SH2B1: variants seen among roughly 807,000 people sequenced by gnomAD.
SH2B1 encodes the protein SH2B adapter protein 1.
Under a neutral mutation model 62.6 loss-of-function variants are expected in SH2B1, and 15 were observed. The observed-to-expected ratio is 0.24, with a 90% CI of 0.16 to 0.37. The LOEUF (loss-of-function observed/expected upper bound fraction) is 0.37, where lower values mean the gene tolerates loss of function less well. Among genes scored for constraint, SH2B1 ranks in the 10% least tolerant of loss-of-function variants. The pLI, the probability that SH2B1 is intolerant of heterozygous loss-of-function variation, is 1.00. For missense variants in SH2B1, 925 were observed against 1,015.6 expected (o/e 0.91, Z 1.21); for synonymous variants, 443 against 438.0 (o/e 1.01, Z -0.14).
At chr16:28,868,459 T>G (rs1962850343) in intron 2 of SH2B1, among the ~76,000 whole-genome samples, 1 of 151,838 alleles carries the variant, frequency 6.6e-6, no homozygotes, top group Non-Finnish European at 1.5e-5. Flanking sequence ...TTATTTTATT[T>G]TTATTTTTTA....
chr16:28,869,505 C>A, intron 4 of SH2B1, 122 bp downstream of exon 4: 1 of 831,902 alleles, frequency 1.2e-6, no homozygotes, highest in Non-Finnish European at 1.8e-6. Context: ...AGATGCCCTA[C>A]CCCAACCCCA....
chr16:28,855,407 C>T (rs958331484), intron 1 of SH2B1, among the ~76,000 whole-genome samples: 1 of 147,010 alleles, frequency 6.8e-6, no homozygotes, highest in South Asian at 2.2e-4. Flanking sequence ...TTAGTAAAGA[C>T]GAGGGGTTTC....
chr16:28,859,107 A>G (rs1426390726), upstream of SH2B1, among the ~76,000 whole-genome samples: 1 of 151,738 alleles, frequency 6.6e-6, no homozygotes, highest in Non-Finnish European at 1.5e-5. Context: ...CAACCTGGCT[A>G]ATTTTTTTGT....
chr16:28,860,537 C>T (rs756006491), upstream of SH2B1, among the ~76,000 whole-genome samples: 2 of 152,048 alleles, frequency 1.3e-5, no homozygotes, highest in Non-Finnish European at 2.9e-5. Context: ...GCCACCGTGC[C>T]CAGCCTCCTC....
Position 28,865,716 on chromosome 16 carries a change from A to C in SH2B1, c.-379A>C, listed in dbSNP as rs1277456648. The C allele has an allele frequency of 9.8e-7, 1 of 1,023,330 alleles. No individual in the cohort carries two copies. Among genetic ancestry groups the C allele is most frequent in the South Asian group, 4.5e-5 (1 of 22,270 alleles). 63.4% of individuals were successfully genotyped at this position (1,023,330 alleles called of 1,614,324 possible). On this transcript the variant is annotated 5_prime_UTR_variant, in exon 1 of 8. Coordinates refer to ENST00000684370, the MANE Select transcript of SH2B1 (RefSeq NM_001387430.1). Reference sequence around the variant, plus strand: ...CGATGTAGAGGGGGGGTGATCTGGAAAAGTTCCCTTTTTTAGGGGGAAGGT... The same window carrying C: ...CGATGTAGAGGGGGGGTGATCTGGACAAGTTCCCTTTTTTAGGGGGAAGGT...
rs1455325997 is a variant in SH2B1, at chr16:28,873,811, C to T, written c.2262C>T (p.Ser754=). The T allele has an allele frequency of 4.2e-6, 6 of 1,441,756 alleles. No individual in the cohort carries two copies. Among genetic ancestry groups the T allele is most frequent in the Non-Finnish European group, 5.5e-6 (6 of 1,099,482 alleles). 89.3% of individuals were successfully genotyped at this position (1,441,756 alleles called of 1,614,324 possible). A position where few individuals can be genotyped will look rare whatever the true frequency, so the allele number is the denominator to read the frequency against. Residue 754 remains serine, a synonymous_variant, in exon 8 of 8, where the codon TCC becomes TCT. Transcript: ENST00000684370. The surrounding 1 kb of genome is among the most constrained non-coding windows in gnomAD (Gnocchi z 4.2). ...GHPRAINNQY[S]FV ...CCAGGGCCATTAACAACCAGTACTC[C>T]TTCGTGTGAGCCAACCCCACCCGCT...
chr16:28,852,480 TTA>T lies in SH2B1; in HGVS notation c.-301+5660_-301+5661del, dbSNP rs1163498814. On this transcript the variant is annotated intron_variant, in intron 1 of 10. Coordinates refer to the SH2B1 transcript ENST00000322610. ...TATATTTATATATATACATATATAT[TTA>T]TATATACATACATATATTTATATAT... Among the ~76,000 whole-genome samples the T allele has an allele frequency of 2.4e-4, 16 of 67,018 alleles. 5 individuals carry two copies. In the East Asian group the frequency reaches 2.6e-3, roughly 11 times the overall value. 44.0% of individuals were successfully genotyped at this position (67,018 alleles called of 152,430 possible). A position where few individuals can be genotyped will look rare whatever the true frequency, so the allele number is the denominator to read the frequency against.
chr16:28,869,246 C>T lies in SH2B1; in HGVS notation c.1172C>T (p.Pro391Leu). Residue 391 changes from proline to leucine, a missense_variant, in exon 4 of 8, where the codon CCT (proline) becomes CTT (leucine). By Grantham distance (98) the Pro-to-Leu change is moderately conservative (BLOSUM62 -3). Around this residue, in one of 3 missense-constraint regions of SH2B1, gnomAD observed 683 missense variants for 704.0 expected, o/e 0.97. Transcript: ENST00000684370. ...ACCAGTCCCCGCCCCATGACCCTCC[C>T]TCTGGCCCCTGGGACCTCATTCCTT... Reference protein sequence around the residue: ...PATSPRPMTLPLAPGTSFLTR... With the variant: ...PATSPRPMTLLLAPGTSFLTR... 2.5e-6 allele frequency: 4 copies of T among 1,614,178 alleles called. No homozygotes were observed. Among genetic ancestry groups the T allele is most frequent in the South Asian group, 1.1e-5 (1 of 91,088 alleles).
At chr16:28,854,075 G>C (rs1255496755) in intron 1 of SH2B1, among the ~76,000 whole-genome samples, 14 of 148,234 alleles carry the variant, frequency 9.4e-5, no homozygotes, top group Non-Finnish European at 1.5e-5. Flanking sequence ...AAGATAGCTT[G>C]AGCCCAGGAG....
intron 2 of SH2B1, 114 bp from the exon 3 acceptor site, chr16:28,868,892 G>T: frequency 1.2e-6 from 1 of 833,592 alleles, no homozygotes. Flanking sequence ...GGCCTCCAGA[G>T]AGAATTCGAA....
upstream of SH2B1, among the ~76,000 whole-genome samples, chr16:28,860,884 T>C (rs1962428224): frequency 6.6e-6 from 1 of 151,496 alleles, no homozygotes; most frequent in African/African-American, 2.4e-5. Flanking sequence ...TGGCATGATC[T>C]TGGCTCACTG....
rs11866984 is a variant in SH2B1 at position 28,847,596 on chromosome 16, C to T, written c.-301+769C>T. Among the ~76,000 whole-genome samples, 715 of 151,956 alleles carry T rather than the reference C, an allele frequency of 4.7e-3. 4 individuals carry two copies. The highest frequency in any genetic ancestry group is 0.016 in the African/African-American group (659 of 41,458). On this transcript the variant is annotated intron_variant, in intron 1 of 10. Coordinates refer to the SH2B1 transcript ENST00000322610. ...AGTTTGGGAGGCTGAGGTGGGAGGA[C>T]GGTTTGAAGCCAGGAGTTCAAGACC...
At chr16:28,858,537 A>G (rs534549477) in intron 1 of SH2B1, among the ~76,000 whole-genome samples, 2 of 152,200 alleles carry the variant, frequency 1.3e-5, no homozygotes, top group African/African-American at 4.8e-5. Flanking sequence ...CAGGTGTTAC[A>G]TAAGGAACTT....
rs148726648 is a variant in SH2B1, at chr16:28,856,067, G to A, written c.-300-5551G>A. ...CGAGGTGGATGAATCACGAGGTCAGGAGTTAAAGACCAGCCTGGCCAACCC... is the reference window on the plus strand; with the variant it reads ...CGAGGTGGATGAATCACGAGGTCAGAAGTTAAAGACCAGCCTGGCCAACCC... On this transcript the variant is annotated intron_variant, in intron 1 of 10. Transcript: ENST00000322610. Among the ~76,000 whole-genome samples the A allele has an allele frequency of 2.3e-4, 34 of 147,596 alleles. No homozygotes were observed. The East Asian group carries it at 7.1e-3, about 31-fold the overall frequency.
rs1962115463 is a variant in SH2B1, at chr16:28,852,196, T to TTATATATTTACACATATATATTTACA, written c.-301+5381_-301+5382insCATATATATTTACATATATATTTACA. Among the ~76,000 whole-genome samples, 39 of 82,906 alleles carry TTATATATTTACACATATATATTTACA rather than the reference T, an allele frequency of 4.7e-4. 8 individuals are homozygous for TTATATATTTACACATATATATTTACA. Among genetic ancestry groups the TTATATATTTACACATATATATTTACA allele is most frequent in the Admixed American group, 3.5e-3 (24 of 6,796 alleles). The allele number at this position is 82,906 out of a possible 152,430, so 54.4% of individuals were successfully genotyped here. ...TATCCAAAAATATATATATTTTTAT[T>TTATATATTTACACATATATATTTACA]TATATATTTACATATATATATTTAC... On this transcript the variant is annotated intron_variant, in intron 1 of 10. Transcript: ENST00000322610.
At chr16:28,849,563 A>G (rs1032565158) in intron 1 of SH2B1, among the ~76,000 whole-genome samples, 1 of 152,150 alleles carries the variant, frequency 6.6e-6, no homozygotes, top group African/African-American at 2.4e-5. Context: ...ATTAGCTTGA[A>G]AAAAAACTGG....
intron 1 of SH2B1, among the ~76,000 whole-genome samples, chr16:28,856,106 A>G (rs560332080): frequency 1.0e-5 from 1 of 95,574 alleles, no homozygotes; most frequent in South Asian, 7.1e-4. Context: ...CTGTACTAAA[A>G]ATACAAAAAA....
Position 28,866,641 on chromosome 16 carries a change from G to A in SH2B1, c.547G>A (p.Gly183Arg), listed in dbSNP as rs768230842. The part of the protein sequence containing the change: ...RGTVDPPSSA[G>R]PLETSSGPPV... ...GACCGTTGACCCTCCCTCCTCCGCTGGGCCCCTGGAGACCTCGTCAGGCCC... is the reference window on the plus strand; with the variant it reads ...GACCGTTGACCCTCCCTCCTCCGCTAGGCCCCTGGAGACCTCGTCAGGCCC... Residue 183 changes from glycine (G) to arginine (R), a missense_variant, in exon 1 of 8, where the codon GGG (glycine) becomes AGG (arginine). By Grantham distance (125) the Gly-to-Arg change is moderately radical (BLOSUM62 -2). Transcript: ENST00000684370. This position sits in a 1 kb window ranked among gnomAD's most constrained non-coding sequence, Gnocchi z 6.3. The A allele has an allele frequency of 6.2e-7, 1 of 1,613,528 alleles. No individual in the cohort carries two copies. Among genetic ancestry groups the A allele is most frequent in the Non-Finnish European group, 8.5e-7 (1 of 1,179,712 alleles).
At chr16:28,849,880 G>A (rs1335082794) in intron 1 of SH2B1, among the ~76,000 whole-genome samples, 2 of 152,100 alleles carry the variant, frequency 1.3e-5, no homozygotes, top group Non-Finnish European at 2.9e-5. Flanking sequence ...CCGATATCAC[G>A]CCATTGTACT....
Sources: allele counts gnomAD v4.1 joint callset (sites outside exome capture counted in the v4.1 genomes callset), GRCh38; gene constraint gnomAD v4.1.1; regional missense constraint gnomAD v4.1.1; non-coding constraint Gnocchi (gnomAD v3.1); transcripts MANE v1.5; gene names NCBI Gene and HGNC (gene_info 2026-07-23, HGNC 2026-07-21).